SEMA3A: variants seen among roughly 807,000 people sequenced by gnomAD.
SEMA3A encodes semaphorin-3A.
A neutral mutation model predicts 97.9 loss-of-function variants in SEMA3A; 29 were observed. The ratio of observed to expected loss-of-function variants is 0.30; its 90% CI spans 0.22 to 0.40. SEMA3A has a LOEUF of 0.40. SEMA3A is among the 10% of genes least tolerant of loss of function. The pLI is 1.00. For synonymous variants in SEMA3A, 321 were observed against 323.7 expected, an observed-to-expected ratio of 0.99 and a Z score of 0.09; for missense variants, 763 against 951.3, an observed-to-expected ratio of 0.80 and a Z score of 2.60.
intron 4 of SEMA3A, among the ~76,000 whole-genome samples, chr7:84,103,427 G>A (rs1011809963): frequency 1.3e-5 from 2 of 151,854 alleles, no homozygotes; most frequent in African/African-American, 4.8e-5. Flanking sequence ...TATGACTGTG[G>A]GATAGCCATC....
At chr7:84,020,035 CTTTTTTTTTTTTTTT>C (rs781108685) in intron 6 of SEMA3A, among the ~76,000 whole-genome samples, 8 of 58,250 alleles carry the variant, frequency 1.4e-4, no homozygotes, top group South Asian at 7.2e-4. Context: ...TTTTTTCTTT[CTTTTTTTTTTTTTTT>C]TTTTTTTTTT....
At chr7:84,040,555 G>A (rs972611597) in intron 6 of SEMA3A, among the ~76,000 whole-genome samples, 17 of 152,202 alleles carry the variant, frequency 1.1e-4, no homozygotes, top group East Asian at 5.8e-4. Flanking sequence ...ACAGGCTTCT[G>A]TTTTCACAGA....
intron 2 of SEMA3A, among the ~76,000 whole-genome samples, chr7:84,356,578 A>G (rs1463388340): frequency 6.6e-6 from 1 of 151,822 alleles, no homozygotes; most frequent in African/African-American, 2.4e-5. Context: ...AATTCCATAA[A>G]GTAAAACCGA....
intron 5 of SEMA3A, among the ~76,000 whole-genome samples, chr7:84,059,196 A>C (rs1793117374): frequency 1.3e-5 from 2 of 152,188 alleles, no homozygotes; most frequent in African/African-American, 4.8e-5. Context: ...TCACTAGACC[A>C]ACCATAAATA....
intron 3 of SEMA3A, among the ~76,000 whole-genome samples, chr7:84,256,011 A>T (rs1799713386): frequency 6.6e-6 from 1 of 152,032 alleles, no homozygotes; most frequent in South Asian, 2.1e-4. Context: ...AGTTTTCTGA[A>T]GACGATGTGA....
intron 1 of SEMA3A, among the ~76,000 whole-genome samples, chr7:84,429,545 T>TAGAG (rs1274042565): frequency 8.2e-6 from 1 of 122,262 alleles, no homozygotes; most frequent in African/African-American, 3.1e-5. Context: ...TATATATATA[T>TAGAG]ATAGCGAGAG....
intron 6 of SEMA3A, among the ~76,000 whole-genome samples, chr7:84,029,095 A>G (rs1791649219): frequency 6.6e-6 from 1 of 152,236 alleles, no homozygotes; most frequent in African/African-American, 2.4e-5. Flanking sequence ...TTTCAAGGAA[A>G]GTGCTGGGCA....
chr7:84,320,766 G>T (rs1584237059), intron 2 of SEMA3A, among the ~76,000 whole-genome samples: 1 of 152,042 alleles, frequency 6.6e-6, no homozygotes, highest in African/African-American at 2.4e-5. Context: ...TAGTGAGAGA[G>T]CAGGAGATTT....
At chr7:83,997,744 CT>C (rs745309176) in intron 12 of SEMA3A, among the ~76,000 whole-genome samples, 440 of 142,638 alleles carry the variant, frequency 3.1e-3, no homozygotes, top group East Asian at 3.1e-3. Flanking sequence ...TGAAATTTTT[CT>C]TTTTTTTTTT....
At chr7:84,265,961 G>GAATATAAT (rs781341199) in intron 3 of SEMA3A, among the ~76,000 whole-genome samples, 3 of 152,078 alleles carry the variant, frequency 2.0e-5, no homozygotes, top group Non-Finnish European at 4.4e-5. Context: ...TAAAGAATTT[G>GAATATAAT]AATATAATTT....
intron 2 of SEMA3A, among the ~76,000 whole-genome samples, chr7:84,132,797 T>C (rs953952152): frequency 1.4e-5 from 2 of 146,974 alleles, no homozygotes; most frequent in East Asian, 2.1e-4. Flanking sequence ...TGCCTCAGCC[T>C]CCCAAGTAGC....
chr7:84,129,663 G>A (rs1169411170), intron 2 of SEMA3A, among the ~76,000 whole-genome samples: 1 of 150,786 alleles, frequency 6.6e-6, no homozygotes, highest in East Asian at 1.9e-4. Flanking sequence ...TTTAGAATAA[G>A]TAACTGAAAG....
At chr7:84,444,421 T>C (rs1805352475) in intron 1 of SEMA3A, among the ~76,000 whole-genome samples, 1 of 152,178 alleles carries the variant, frequency 6.6e-6, no homozygotes, top group Admixed American at 6.5e-5. Context: ...TTGGTCATAT[T>C]TCTACTGTTA....
At chr7:84,095,636 T>C (rs1794751786) in intron 4 of SEMA3A, among the ~76,000 whole-genome samples, 2 of 151,228 alleles carry the variant, frequency 1.3e-5, no homozygotes, top group South Asian at 4.2e-4. Flanking sequence ...CTTTTTTTTT[T>C]CCTTTCCTCT....
chr7:84,319,500 G>C (rs879449125), intron 2 of SEMA3A, among the ~76,000 whole-genome samples: 17 of 151,378 alleles, frequency 1.1e-4, no homozygotes, highest in African/African-American at 3.2e-4. Flanking sequence ...GAATCCCAAG[G>C]CTTATTAGCC....
chr7:84,379,392 T>C (rs1219553127), intron 1 of SEMA3A, among the ~76,000 whole-genome samples: 1 of 152,148 alleles, frequency 6.6e-6, no homozygotes, highest in East Asian at 1.9e-4. Context: ...ATATACAAGA[T>C]GAAGTATACG....
At chr7:84,245,157 C>G (rs1463279547) in intron 3 of SEMA3A, among the ~76,000 whole-genome samples, 1 of 152,088 alleles carries the variant, frequency 6.6e-6, no homozygotes, top group Non-Finnish European at 1.5e-5. Flanking sequence ...TGGGGAAGTT[C>G]TCCTGGATAA....
intron 3 of SEMA3A, among the ~76,000 whole-genome samples, chr7:84,285,795 G>A (rs1368694861): frequency 1.3e-5 from 2 of 151,694 alleles, no homozygotes; most frequent in Non-Finnish European, 2.9e-5. Context: ...ACAAACATTA[G>A]TGGACATGGT....
intron 4 of SEMA3A, among the ~76,000 whole-genome samples, chr7:84,092,770 C>T (rs1794639504): frequency 6.6e-6 from 1 of 152,062 alleles, no homozygotes; most frequent in African/African-American, 2.4e-5. Context: ...TTCTTCCCTC[C>T]TTTAATTGTG....
Sources: allele counts gnomAD v4.1 joint callset (sites outside exome capture counted in the v4.1 genomes callset), GRCh38; gene constraint gnomAD v4.1.1; transcripts MANE v1.5; gene names NCBI Gene and HGNC (gene_info 2026-07-23, HGNC 2026-07-21).